Variants in DPP6 observed in about 807,000 individuals in gnomAD.
DPP6 encodes the protein A-type potassium channel modulatory protein DPP6.
Under a neutral mutation model 122.6 loss-of-function variants are expected in DPP6, and 69 were observed. The observed-to-expected ratio is 0.56, with a 90% CI of 0.46 to 0.69. The LOEUF (loss-of-function observed/expected upper bound fraction) is 0.69, where lower values mean the gene tolerates loss of function less well. DPP6 is among the 30% of genes least tolerant of loss of function. The pLI is 0.00. For missense variants in DPP6, 928 were observed against 1,116.9 expected (o/e 0.83, Z 2.41); for synonymous variants, 418 against 433.1 (o/e 0.97, Z 0.43).
chr7:153,784,715 C>T, the DPP6 span, among the ~76,000 whole-genome samples: 85 of 152,094 alleles, frequency 5.6e-4, no homozygotes, highest in African/African-American at 1.9e-3. Flanking sequence ...TCTAGTGGTC[C>T]ATTATTAATA....
At chr7:154,888,210 T>A in intron 23 of DPP6, among the ~76,000 whole-genome samples, 1 of 151,002 alleles carries the variant, frequency 6.6e-6, no homozygotes, top group Non-Finnish European at 1.5e-5. Context: ...TGTCTCAGCC[T>A]CCCAAGTAGC....
Position 154,052,744 on chromosome 7 carries a change from G to C in DPP6, c.-77G>C. On this transcript the variant is annotated 5_prime_UTR_variant, in exon 1 of 26. Coordinates refer to ENST00000377770, the MANE Select transcript of DPP6 (RefSeq NM_130797.4). The surrounding 1 kb of genome is among the most constrained non-coding windows in gnomAD (Gnocchi z 4.8). ...CCTTTTTTTTTTTTTAATCTGGAGC[G>C]GGGTGGGGAGTGGGAACCGGAGAGA... The C allele has an allele frequency of 1.5e-6, 2 of 1,348,410 alleles. No individual in the cohort carries two copies. Among genetic ancestry groups the C allele is most frequent in the Non-Finnish European group, 1.9e-6 (2 of 1,029,296 alleles). 83.5% of individuals were successfully genotyped at this position (1,348,410 alleles called of 1,614,324 possible).
At chr7:153,918,000 G>A (rs1800401291) in intron 1 of DPP6, among the ~76,000 whole-genome samples, 1 of 152,128 alleles carries the variant, frequency 6.6e-6, no homozygotes, top group South Asian at 2.1e-4. Context: ...GTCATCCTGG[G>A]GGATGTAGAA....
intron 7 of DPP6, among the ~76,000 whole-genome samples, chr7:154,678,234 C>G (rs1490840394): frequency 6.6e-6 from 1 of 152,204 alleles, no homozygotes; most frequent in Non-Finnish European, 1.5e-5. Context: ...CACCGCCGCC[C>G]AACAGCTGCA....
At chr7:153,877,685 T>G in the DPP6 span, among the ~76,000 whole-genome samples, 1 of 152,168 alleles carries the variant, frequency 6.6e-6, no homozygotes, top group African/African-American at 2.4e-5. Flanking sequence ...TTAATTAAAT[T>G]GATAAAAAGT....
chr7:153,865,795 T>C, the DPP6 span, among the ~76,000 whole-genome samples: 14 of 145,298 alleles, frequency 9.6e-5, 1 homozygote, highest in Admixed American at 8.9e-4. Flanking sequence ...AATGCTATCC[T>C]TCCCCCCTCC....
chr7:154,661,856 T>C (rs181749054), intron 6 of DPP6, among the ~76,000 whole-genome samples: 1 of 150,294 alleles, frequency 6.7e-6, no homozygotes, highest in East Asian at 2.0e-4. Flanking sequence ...ATATTGGCCA[T>C]AGTGTTCATA....
chr7:154,085,930 G>GCCAAC (rs1804381172), intron 1 of DPP6, among the ~76,000 whole-genome samples: 2 of 152,046 alleles, frequency 1.3e-5, no homozygotes, highest in Admixed American at 6.6e-5. Flanking sequence ...GTTTCACCAT[G>GCCAAC]TTGGCCAGGC....
intron 7 of DPP6, among the ~76,000 whole-genome samples, chr7:154,674,366 C>T (rs1006139756): frequency 6.6e-5 from 10 of 152,228 alleles, no homozygotes; most frequent in African/African-American, 1.7e-4. Context: ...TTGAGGCAGC[C>T]GCGGTGGCCT....
chr7:154,281,396 C>G (rs1804503643), intron 1 of DPP6, among the ~76,000 whole-genome samples: 1 of 152,126 alleles, frequency 6.6e-6, no homozygotes, highest in Non-Finnish European at 1.5e-5. Flanking sequence ...GTGGTGGGCT[C>G]TCCCTGGGCT....
intron 1 of DPP6, among the ~76,000 whole-genome samples, chr7:153,948,195 A>G (rs1163866193): frequency 6.6e-6 from 1 of 152,068 alleles, no homozygotes; most frequent in African/African-American, 2.4e-5. Context: ...ATAAGCTGCT[A>G]TTTACTTTTA....
At chr7:154,691,733 C>T (rs991724772) in intron 7 of DPP6, among the ~76,000 whole-genome samples, 2 of 152,040 alleles carry the variant, frequency 1.3e-5, no homozygotes, top group South Asian at 2.1e-4. Flanking sequence ...GCAGGAGAAT[C>T]GCTTGTGCCC....
In DPP6 at chr7:153,888,077, C is replaced by T. The variant is rs925494203; in HGVS notation, c.51+343C>T. Among the ~76,000 whole-genome samples, 15 of 152,268 alleles carry T rather than the reference C, an allele frequency of 9.9e-5. No homozygotes were observed. In the South Asian group the frequency reaches 2.7e-3, roughly 27 times the overall value. ...CCCCAAGCAGACCCCCAGGGCTCTT[C>T]TGGGGAAACGCGGGGAGAGGTGGTC... On this transcript the variant is annotated intron_variant, in intron 1 of 25. Coordinates refer to the DPP6 transcript ENST00000404039.
the DPP6 span, among the ~76,000 whole-genome samples, chr7:153,756,398 C>A: frequency 3.3e-5 from 5 of 151,586 alleles, no homozygotes; most frequent in African/African-American, 1.2e-4. Flanking sequence ...GGGCTCAAAC[C>A]CCCACTGCCT....
chr7:153,909,481 G>C (rs1027971848), intron 1 of DPP6, among the ~76,000 whole-genome samples: 3 of 152,000 alleles, frequency 2.0e-5, no homozygotes, highest in African/African-American at 7.3e-5. Context: ...GATATGCCCT[G>C]TCCCCCTCCA....
chr7:154,706,532 G>A (rs1188736472), intron 7 of DPP6, among the ~76,000 whole-genome samples: 2 of 152,184 alleles, frequency 1.3e-5, no homozygotes, highest in Admixed American at 6.5e-5. Flanking sequence ...TGAGGAGGGG[G>A]AGTTTATGAA....
At chr7:154,859,269 C>T (rs767310731) in intron 17 of DPP6, among the ~76,000 whole-genome samples, 4 of 152,260 alleles carry the variant, frequency 2.6e-5, no homozygotes, top group Non-Finnish European at 4.4e-5. Context: ...TTCCAACCCG[C>T]GCTGTGGGGC....
At chr7:154,093,330 C>T (rs1167844640) in intron 1 of DPP6, among the ~76,000 whole-genome samples, 1 of 146,092 alleles carries the variant, frequency 6.8e-6, no homozygotes, top group Non-Finnish European at 1.5e-5. Flanking sequence ...ACAACCTACA[C>T]ACCACATCAT....
intron 1 of DPP6, among the ~76,000 whole-genome samples, chr7:153,910,285 A>G (rs978351942): frequency 2.1e-5 from 3 of 145,964 alleles, no homozygotes; most frequent in African/African-American, 7.7e-5. Context: ...GCTGGAGTGC[A>G]GTGGTGCAAT....
Sources: allele counts gnomAD v4.1 joint callset (sites outside exome capture counted in the v4.1 genomes callset), GRCh38; gene constraint gnomAD v4.1.1; non-coding constraint Gnocchi (gnomAD v3.1); transcripts MANE v1.5; gene names NCBI Gene and HGNC (gene_info 2026-07-23, HGNC 2026-07-21).